Variants in CNOT1 observed in about 807,000 individuals in gnomAD.
CNOT1 encodes the protein CCR4-NOT transcription complex subunit 1.
A neutral mutation model predicts 273.8 loss-of-function variants in CNOT1; 15 were observed. The observed-to-expected ratio is 0.05, with a 90% confidence interval of 0.04 to 0.08. The LOEUF (loss-of-function observed/expected upper bound fraction) is 0.08. Among genes scored for constraint, CNOT1 ranks in the 10% least tolerant of loss-of-function variants. The pLI is 1.00. For missense variants in CNOT1, 1,644 were observed against 2,912.2 expected, an observed-to-expected ratio of 0.56 and a Z score of 10.02; for synonymous variants, 1,022 against 1,005.5, an observed-to-expected ratio of 1.02 and a Z score of -0.31.
intron 1 of CNOT1, among the ~76,000 whole-genome samples, chr16:58,609,961 G>A (rs1350530624): frequency 6.6e-6 from 1 of 151,870 alleles, no homozygotes; most frequent in Non-Finnish European, 1.5e-5. Flanking sequence ...TCAAACATTT[G>A]AGCCCTAACT....
Position 58,599,288 on chromosome 16 carries a change from A to G in CNOT1, c.50T>C (p.Val17Ala). 6.2e-7 allele frequency: 1 copy of G among 1,614,134 alleles called. No individual in the cohort carries two copies. Among genetic ancestry groups the G allele is most frequent in the South Asian group, 1.1e-5 (1 of 91,088 alleles). Residue 17 changes from valine to alanine, a missense_variant, in exon 2 of 49, where the codon GTG (valine) becomes GCG (alanine). This residue lies in a region of CNOT1 where 706 missense variants were observed against 1,021.2 expected (regional missense o/e 0.69). Coordinates refer to ENST00000317147, the MANE Select transcript of CNOT1 (RefSeq NM_016284.5). ...GTAATTTTTCTTGGTTAAATTGTCCACCAGGTAGCTGATTTGAGACAAGGC... is the reference window on the plus strand; with the variant it reads ...GTAATTTTTCTTGGTTAAATTGTCCGCCAGGTAGCTGATTTGAGACAAGGC... Reference protein sequence around the residue: ...SLALSQISYLVDNLTKKNYRA... With the variant: ...SLALSQISYLADNLTKKNYRA...
In CNOT1 at chr16:58,568,968, CT is replaced by C. The variant is rs2041165623; in HGVS notation, c.1979+5640del. Reference sequence around the variant, plus strand: ...GAAATGCCATATTATTTAAAGTTGTCTGTTTTCAACAAAAAAATTACAAGAC... The same window carrying C: ...GAAATGCCATATTATTTAAAGTTGTCGTTTTCAACAAAAAAATTACAAGAC... On this transcript the variant is annotated intron_variant, in intron 16 of 48. Transcript: ENST00000317147. Among the ~76,000 whole-genome samples the C allele has an allele frequency of 1.3e-5, 2 of 152,096 alleles. 1 individual carries two copies. The highest frequency in any genetic ancestry group is 4.1e-4 in the South Asian group (2 of 4,820).
In CNOT1 at chr16:58,602,171, C is replaced by T. The variant is rs151314573; in HGVS notation, c.-174-2660G>A. 4.3e-4 allele frequency among the ~76,000 whole-genome samples: 66 copies of T among 151,926 alleles called. No homozygotes were observed. The East Asian group carries it at 7.9e-3, about 18-fold the overall frequency. The stretch of plus-strand genomic sequence containing the variant: ...GCAACCTCCACCTCCCAGGTTCACA[C>T]GATTCTCCTGCCTCAGCCTCCCAGG... On this transcript the variant is annotated intron_variant, in intron 1 of 48. Coordinates refer to ENST00000317147, the MANE Select transcript of CNOT1 (RefSeq NM_016284.5).
chr16:58,526,805 G>A (rs1363162617), intron 44 of CNOT1, among the ~76,000 whole-genome samples: 6 of 108,024 alleles, frequency 5.6e-5, no homozygotes, highest in East Asian at 2.7e-4. Context: ...CAACAAGAAC[G>A]AAACTCCGTC....
chr16:58,545,434 G>A lies in CNOT1; in HGVS notation c.4064C>T (p.Pro1355Leu). The change falls in exon 30 of 49, where the codon CCA (proline) becomes CTA (leucine). Residue 1355 changes from proline to leucine, a missense_variant. Pro to Leu is a moderately conservative substitution (Grantham distance 98, BLOSUM62 -3). Transcript: ENST00000317147. Reference protein sequence around the residue: ...TTCTATVPPQPQYSYHDINVY... With the variant: ...TTCTATVPPQLQYSYHDINVY... ...ATTGATGTCGTGGTAGCTGTACTGT[G>A]GCTGTGGTGGAACCGTGGCTGTACA... is the stretch of plus-strand genomic sequence containing the variant. 4 of 1,614,156 alleles carry A rather than the reference G, an allele frequency of 2.5e-6. No individual in the cohort carries two copies. The highest frequency in any genetic ancestry group is 3.4e-6 in the Non-Finnish European group (4 of 1,179,986).
At chr16:58,601,874 A>T (rs78247859) in intron 1 of CNOT1, among the ~76,000 whole-genome samples, 1 of 10,618 alleles carries the variant, frequency 9.4e-5, no homozygotes, top group African/African-American at 8.8e-4. Context: ...CTGTCTATTA[A>T]AAAAAAAAAA....
intron 1 of CNOT1, among the ~76,000 whole-genome samples, chr16:58,601,032 G>A (rs536615490): frequency 1.6e-4 from 25 of 152,306 alleles, no homozygotes; most frequent in African/African-American, 5.8e-4. Context: ...TCAGCTCACT[G>A]CAACCTCAGC....
At chr16:58,588,649 A>C in intron 3 of CNOT1, 150 bp downstream of exon 3, 1 of 1,098,140 alleles carries the variant, frequency 9.1e-7, no homozygotes, top group South Asian at 1.6e-5. Context: ...GACGCACAGA[A>C]AAAAAAGGAA....
intron 1 of CNOT1, among the ~76,000 whole-genome samples, chr16:58,604,827 T>TA (rs2042613232): frequency 4.2e-5 from 2 of 47,800 alleles, no homozygotes; most frequent in Non-Finnish European, 8.0e-5. Context: ...AAAAAAAAAA[T>TA]TAAAAAAAAA....
intron 16 of CNOT1, among the ~76,000 whole-genome samples, chr16:58,572,577 T>C (rs1248150299): frequency 6.6e-6 from 1 of 151,968 alleles, no homozygotes; most frequent in Non-Finnish European, 1.5e-5. Flanking sequence ...ATCATGCCAC[T>C]GTACTCCAGC....
chr16:58,568,597 T>C (rs1184067368), intron 16 of CNOT1, among the ~76,000 whole-genome samples: 4 of 151,872 alleles, frequency 2.6e-5, no homozygotes, highest in Admixed American at 2.6e-4. Context: ...GGAGAATCGC[T>C]TGAACCCCGG....
intron 1 of CNOT1, among the ~76,000 whole-genome samples, chr16:58,608,769 G>C (rs1484215833): frequency 6.6e-6 from 1 of 152,130 alleles, no homozygotes; most frequent in Admixed American, 6.6e-5. Context: ...ATACACAACG[G>C]AATAGTACTC....
At chr16:58,593,738 G>T (rs181654266) in intron 2 of CNOT1, among the ~76,000 whole-genome samples, 79 of 152,178 alleles carry the variant, frequency 5.2e-4, no homozygotes, top group Non-Finnish European at 7.4e-4. Context: ...AAAAGTAAGT[G>T]AGGAAAAGTT....
chr16:58,589,765 C>G (rs1039419130), intron 2 of CNOT1, among the ~76,000 whole-genome samples: 2 of 152,180 alleles, frequency 1.3e-5, no homozygotes, highest in African/African-American at 4.8e-5. Flanking sequence ...GATCCGACTT[C>G]AGTGATTTAG....
chr16:58,542,456 C>A lies in CNOT1; in HGVS notation c.4547G>T (p.Gly1516Val). The A allele has an allele frequency of 6.2e-7, 1 of 1,614,094 alleles. No homozygotes were observed. The highest frequency in any genetic ancestry group is 8.5e-7 in the Non-Finnish European group (1 of 1,180,028). ...TGCTAATCTCTTGTCCATCTCAGGG[C>A]CTGCTTTTTCTACTGCAGTCTTCTG... ...FIQKTAVEKA[G>V]PEMDKRLATE... Residue 1516 changes from glycine (G) to valine (V), a missense_variant, in exon 32 of 49, where the codon GGC (glycine) becomes GTC (valine). Physicochemically the swap from Gly to Val is moderately radical, Grantham distance 109 (BLOSUM62 -3). Coordinates refer to ENST00000317147, the MANE Select transcript of CNOT1 (RefSeq NM_016284.5).
chr16:58,601,603 T>C (rs2042465358), intron 1 of CNOT1, among the ~76,000 whole-genome samples: 1 of 152,100 alleles, frequency 6.6e-6, no homozygotes, highest in African/African-American at 2.4e-5. Flanking sequence ...TCTAACAGTT[T>C]CTTAATGTAT....
intron 1 of CNOT1, among the ~76,000 whole-genome samples, chr16:58,605,361 G>A (rs1262845834): frequency 6.6e-6 from 1 of 151,900 alleles, no homozygotes; most frequent in Admixed American, 6.6e-5. Context: ...AAATTGGCCG[G>A]GTGTGGTGGT....
chr16:58,530,003 G>A (rs2039728501), intron 43 of CNOT1, among the ~76,000 whole-genome samples: 1 of 152,100 alleles, frequency 6.6e-6, no homozygotes, highest in Non-Finnish European at 1.5e-5. Flanking sequence ...ACTCCTCCAA[G>A]CTGTTTACAA....
rs557237851 is a variant in CNOT1, at chr16:58,555,912, T to C, written c.2480-4A>G. The C allele has an allele frequency of 3.1e-6, 5 of 1,610,694 alleles. No individual in the cohort carries two copies. Among genetic ancestry groups the C allele is most frequent in the Admixed American group, 3.3e-5 (2 of 59,802 alleles). Reference sequence around the variant, plus strand: ...GGCCACACCTGAGACAAGTCCGCTGTTGGAAACAAAAAAGGAATCAGTGGG... The same window carrying C: ...GGCCACACCTGAGACAAGTCCGCTGCTGGAAACAAAAAAGGAATCAGTGGG... On this transcript the variant is annotated splice_region_variant and splice_polypyrimidine_tract_variant and intron_variant, in intron 19 of 48. Coordinates refer to ENST00000317147, the MANE Select transcript of CNOT1 (RefSeq NM_016284.5).
Sources: allele counts gnomAD v4.1 joint callset (sites outside exome capture counted in the v4.1 genomes callset), GRCh38; gene constraint gnomAD v4.1.1; regional missense constraint gnomAD v4.1.1; transcripts MANE v1.5; gene names NCBI Gene and HGNC (gene_info 2026-07-23, HGNC 2026-07-21).